The following ENAH variants were observed in gnomAD, a reference collection of about 807,000 sequenced individuals.
ENAH encodes the protein protein enabled homolog.
ENAH carries 23 observed loss-of-function variants against 78.7 expected under a neutral mutation model. The observed-to-expected ratio is 0.29, with a 90% confidence interval of 0.21 to 0.41. The LOEUF (loss-of-function observed/expected upper bound fraction) is 0.41, where lower values mean the gene tolerates loss of function less well. ENAH is among the 10% of genes least tolerant of loss of function. ENAH has a pLI of 1.00. For synonymous variants in ENAH, 226 were observed against 241.0 expected (o/e 0.94, Z 0.58); for missense variants, 544 against 691.0 (o/e 0.79, Z 2.39).
chr1:225,566,377 A>G (rs16845040), intron 2 of ENAH, among the ~76,000 whole-genome samples: 9,700 of 152,108 alleles, frequency 0.064, 383 homozygotes, highest in African/African-American at 0.11. Flanking sequence ...TCACCATCCT[A>G]AAACCCAGGG....
intron 1 of ENAH, among the ~76,000 whole-genome samples, chr1:225,646,834 C>G (rs1358219071): frequency 6.6e-6 from 1 of 151,838 alleles, no homozygotes; most frequent in African/African-American, 2.4e-5. Context: ...GTTGTTTAAG[C>G]CACCCAGTCT....
chr1:225,503,046 ATTG>A (rs886744774), intron 11 of ENAH, among the ~76,000 whole-genome samples: 4 of 152,356 alleles, frequency 2.6e-5, no homozygotes, highest in East Asian at 1.9e-4. Flanking sequence ...TGCAAAAATT[ATTG>A]TTATGTAATA....
chr1:225,636,274 A>T (rs1027477468), intron 1 of ENAH, among the ~76,000 whole-genome samples: 5 of 152,234 alleles, frequency 3.3e-5, no homozygotes, highest in African/African-American at 1.2e-4. Context: ...AACTTTTTAC[A>T]GACTCAGAAA....
chr1:225,582,364 C>T (rs1483907626), intron 1 of ENAH, among the ~76,000 whole-genome samples: 2 of 152,120 alleles, frequency 1.3e-5, no homozygotes, highest in African/African-American at 4.8e-5. Flanking sequence ...GTGAAAAGAA[C>T]GGACTAATGC....
intron 1 of ENAH, among the ~76,000 whole-genome samples, chr1:225,606,605 TG>T: frequency 6.6e-6 from 1 of 152,128 alleles, no homozygotes; most frequent in Middle Eastern, 3.4e-3. Flanking sequence ...TCTAACACTT[TG>T]GGAGGCCAAG....
intron 2 of ENAH, among the ~76,000 whole-genome samples, chr1:225,557,646 C>A (rs553442664): frequency 7.7e-4 from 117 of 152,168 alleles, no homozygotes; most frequent in African/African-American, 2.7e-3. Flanking sequence ...CATGGTGAAA[C>A]CCCGTCTCTA....
intron 1 of ENAH, among the ~76,000 whole-genome samples, chr1:225,605,819 T>C (rs2096952894): frequency 2.6e-5 from 4 of 152,264 alleles, no homozygotes; most frequent in Non-Finnish European, 4.4e-5. Context: ...GGAAGATCAC[T>C]GTGGACAGAG....
At chr1:225,581,178 A>G in intron 1 of ENAH, 1 of 671,230 alleles carries the variant, frequency 1.5e-6, no homozygotes, top group Non-Finnish European at 1.8e-6. Flanking sequence ...ACTTGGCAAC[A>G]CATACTTCCC....
chr1:225,541,997 C>A (rs2096591614), intron 3 of ENAH, among the ~76,000 whole-genome samples: 1 of 152,172 alleles, frequency 6.6e-6, no homozygotes, highest in Non-Finnish European at 1.5e-5. Flanking sequence ...CCTCCCACCT[C>A]AGTCTCTTGA....
chr1:225,581,238 T>C (rs979478732), intron 1 of ENAH: 55 of 973,924 alleles, frequency 5.6e-5, no homozygotes, highest in East Asian at 1.1e-4. Context: ...AGTAACTGAA[T>C]AGATTATTTC....
intron 1 of ENAH, among the ~76,000 whole-genome samples, chr1:225,598,871 G>T (rs1377830659): frequency 6.6e-6 from 1 of 151,962 alleles, no homozygotes; most frequent in Admixed American, 6.6e-5. Flanking sequence ...AAATCAACGG[G>T]TGCTAAATCA....
chr1:225,503,375 G>A (rs2096296396), intron 11 of ENAH, among the ~76,000 whole-genome samples: 4 of 152,048 alleles, frequency 2.6e-5, no homozygotes, highest in Admixed American at 2.0e-4. Flanking sequence ...CCGCAGCCTT[G>A]ACCTCCTGGC....
chr1:225,511,582 G>C (rs2096376998), intron 10 of ENAH, among the ~76,000 whole-genome samples: 1 of 152,040 alleles, frequency 6.6e-6, no homozygotes, highest in East Asian at 1.9e-4. Context: ...AAATACTCTT[G>C]TCATCTAATA....
At chr1:225,573,745 G>A (rs931348247) in intron 1 of ENAH, among the ~76,000 whole-genome samples, 6 of 152,264 alleles carry the variant, frequency 3.9e-5, no homozygotes, top group African/African-American at 1.2e-4. Flanking sequence ...AAAAAATTAT[G>A]GATGCACCTA....
intron 6 of ENAH, among the ~76,000 whole-genome samples, chr1:225,515,877 G>A (rs1358569406): frequency 2.6e-5 from 4 of 152,208 alleles, no homozygotes; most frequent in African/African-American, 9.6e-5. Context: ...CAGGCTGACT[G>A]TGCCCATTTT....
chr1:225,518,474 C>T (rs74147002), intron 5 of ENAH, among the ~76,000 whole-genome samples: 2,003 of 152,114 alleles, frequency 0.013, 50 homozygotes, highest in African/African-American at 0.045. Flanking sequence ...TTTTGTTGGC[C>T]ATAACTCCAG....
At chr1:225,538,543 T>A (rs903442581) in intron 3 of ENAH, among the ~76,000 whole-genome samples, 5 of 151,596 alleles carry the variant, frequency 3.3e-5, no homozygotes, top group African/African-American at 1.2e-4. Flanking sequence ...TGTACCATCA[T>A]AAACATCTTC....
chr1:225,641,067 G>A (rs1008523979), intron 1 of ENAH, among the ~76,000 whole-genome samples: 3 of 151,774 alleles, frequency 2.0e-5, no homozygotes, highest in African/African-American at 7.3e-5. Context: ...GTTTCACCGT[G>A]TTAGCCAGGA....
In ENAH at chr1:225,560,212, C is replaced by T. The variant is rs1014747278; in HGVS notation, c.172-5129G>A. On this transcript the variant is annotated intron_variant, in intron 2 of 13. Transcript: ENST00000366843. ...CTGAGACAAGGGCTTCCTGTGCCCC[C>T]CAAGGCTGGAGGTAGCTCATGGTAA... Among the ~76,000 whole-genome samples the T allele has an allele frequency of 3.9e-5, 6 of 152,150 alleles. No homozygotes were observed. In the East Asian group the frequency reaches 7.7e-4, roughly 20 times the overall value.
Sources: allele counts gnomAD v4.1 joint callset (sites outside exome capture counted in the v4.1 genomes callset), GRCh38; gene constraint gnomAD v4.1.1; transcripts MANE v1.5; gene names NCBI Gene and HGNC (gene_info 2026-07-23, HGNC 2026-07-21).